The following SH3RF2 variants were observed in gnomAD, a reference collection of about 807,000 sequenced individuals.
The protein encoded by SH3RF2 is SH3 domain containing ring finger 2, also known as E3 ubiquitin-protein ligase SH3RF2.
A neutral mutation model predicts 59.0 loss-of-function variants in SH3RF2; 43 were observed. The ratio of observed to expected loss-of-function variants is 0.73; its 90% CI spans 0.57 to 0.94. The LOEUF is 0.94. Ranked by LOEUF, SH3RF2 falls within the 40% of genes least tolerant of loss-of-function variation. SH3RF2 has a pLI of 0.00. For missense variants in SH3RF2, 930 were observed against 940.1 expected, an observed-to-expected ratio of 0.99 and a Z score of 0.14; for synonymous variants, 391 against 391.5, an observed-to-expected ratio of 1.00 and a Z score of 0.01.
At chr5:146,058,741 A>G (rs1762771272) in intron 8 of SH3RF2, among the ~76,000 whole-genome samples, 1 of 151,998 alleles carries the variant, frequency 6.6e-6, no homozygotes. Context: ...CCACTTCCCC[A>G]CAGAATGCAA....
intron 5 of SH3RF2, among the ~76,000 whole-genome samples, chr5:146,038,120 T>G (rs1762006053): frequency 6.6e-6 from 1 of 152,186 alleles, no homozygotes; most frequent in Non-Finnish European, 1.5e-5. Context: ...TTGATAAAAT[T>G]TTATGTCCAT....
At chr5:145,938,829 C>T (rs994579409) in intron 2 of SH3RF2, among the ~76,000 whole-genome samples, 3 of 152,184 alleles carry the variant, frequency 2.0e-5, no homozygotes, top group Non-Finnish European at 2.9e-5. Context: ...AGATACTTGA[C>T]GCGGGAGATA....
chr5:146,073,691 A>G (rs1763282353), intron 9 of SH3RF2, among the ~76,000 whole-genome samples: 1 of 152,120 alleles, frequency 6.6e-6, no homozygotes, highest in Admixed American at 6.5e-5. Flanking sequence ...CTGAGCATCT[A>G]CTATGGGCTA....
intron 8 of SH3RF2, among the ~76,000 whole-genome samples, chr5:146,058,912 GA>G: frequency 6.6e-6 from 1 of 151,332 alleles, no homozygotes; most frequent in East Asian, 1.9e-4. Flanking sequence ...ATGAGCTCAG[GA>G]AGGGACAAAA....
At chr5:145,937,581 G>A (rs536530085) in intron 1 of SH3RF2, among the ~76,000 whole-genome samples, 84 of 152,248 alleles carry the variant, frequency 5.5e-4, no homozygotes, top group African/African-American at 2.0e-3. Context: ...TTATCTCCCT[G>A]CTTTCCTGTC....
intron 2 of SH3RF2, among the ~76,000 whole-genome samples, chr5:145,960,288 A>G (rs548406100): frequency 2.8e-4 from 42 of 152,314 alleles, no homozygotes; most frequent in African/African-American, 7.2e-4. Context: ...ATTCCCAAAC[A>G]TGGAAAAGGG....
chr5:145,996,681 A>G (rs2400205), intron 2 of SH3RF2, among the ~76,000 whole-genome samples: 1 of 152,220 alleles, frequency 6.6e-6, no homozygotes, highest in Non-Finnish European at 1.5e-5. Flanking sequence ...GCCAGAATTC[A>G]AAATCAGTAT....
chr5:146,014,776 G>A (rs1761041993), intron 5 of SH3RF2, among the ~76,000 whole-genome samples: 1 of 152,170 alleles, frequency 6.6e-6, no homozygotes, highest in Admixed American at 6.5e-5. Context: ...CATATACTAA[G>A]CATCCAATAA....
At chr5:146,008,388 A>T (rs60758869) in intron 4 of SH3RF2, among the ~76,000 whole-genome samples, 11,943 of 152,250 alleles carry the variant, frequency 0.078, 1,581 homozygotes, top group African/African-American at 0.27. Context: ...AGCAGAAAAA[A>T]TTAACTTATT....
intron 2 of SH3RF2, among the ~76,000 whole-genome samples, chr5:145,970,247 T>G (rs1759027415): frequency 6.6e-6 from 1 of 152,126 alleles, no homozygotes; most frequent in Non-Finnish European, 1.5e-5. Flanking sequence ...GTACCCAATT[T>G]GTAGTTTTTT....
intron 4 of SH3RF2, among the ~76,000 whole-genome samples, chr5:146,009,795 A>G (rs984497204): frequency 2.6e-5 from 4 of 152,186 alleles, no homozygotes; most frequent in Admixed American, 1.3e-4. Flanking sequence ...AGCAAGAACC[A>G]TATCTTCTTT....
chr5:146,038,320 G>A (rs1762012423), intron 5 of SH3RF2, among the ~76,000 whole-genome samples: 2 of 152,152 alleles, frequency 1.3e-5, no homozygotes, highest in South Asian at 4.1e-4. Flanking sequence ...GTCCCAGAGG[G>A]CCTGGCCAGC....
rs368721283 is a variant in SH3RF2, at chr5:146,012,975, C to CT, written c.745-762dup. ...GATCTGTTTTCTTTCTTTCTTGTTA[C>CT]TTTTTTTTTTGACAGCTGATTTACC... On this transcript the variant is annotated intron_variant, in intron 4 of 9. Coordinates refer to ENST00000359120, the MANE Select transcript of SH3RF2 (RefSeq NM_152550.4). Among the ~76,000 whole-genome samples, 543 of 148,970 alleles carry CT rather than the reference C, an allele frequency of 3.6e-3. 4 individuals are homozygous for CT. Among genetic ancestry groups the CT allele is most frequent in the African/African-American group, 0.012 (479 of 40,692 alleles).
intron 3 of SH3RF2, among the ~76,000 whole-genome samples, chr5:146,001,933 T>G (rs1335960533): frequency 6.6e-6 from 1 of 152,204 alleles, no homozygotes; most frequent in Non-Finnish European, 1.5e-5. Context: ...CTCAAGATCT[T>G]CCTTCCCAAA....
At chr5:145,987,288 C>G (rs942721048) in intron 2 of SH3RF2, among the ~76,000 whole-genome samples, 1 of 151,930 alleles carries the variant, frequency 6.6e-6, no homozygotes, top group African/African-American at 2.4e-5. Flanking sequence ...TTGGGTGCAC[C>G]CATCACCTGA....
intron 2 of SH3RF2, among the ~76,000 whole-genome samples, chr5:145,975,338 GCTGAA>G: frequency 6.6e-6 from 1 of 152,326 alleles, no homozygotes; most frequent in South Asian, 2.1e-4. Context: ...AAGAAGGCTG[GCTGAA>G]CATGGCACAT....
Position 146,000,175 on chromosome 5 carries a change from G to A in SH3RF2, c.496G>A (p.Glu166Lys), listed in dbSNP as rs757233835. The A allele has an allele frequency of 1.4e-5, 23 of 1,613,632 alleles. No individual in the cohort carries two copies. Among genetic ancestry groups the A allele is most frequent in the Non-Finnish European group, 1.9e-5 (23 of 1,179,872 alleles). ...RQLDENWYQG[E>K]INGISGNFPA... ...GCTTGATGAGAATTGGTACCAGGGG[G>A]AAATCAATGGCATCAGCGGGAACTT... The change falls in exon 3 of 10, where the codon GAA becomes AAA. Residue 166 changes from glutamate (E) to lysine (K), a missense_variant. Transcript: ENST00000359120.
chr5:146,064,703 AAAGAAAGAAAGAAAGAAAGAAAGAAAGG>A (rs1561773322), downstream of SH3RF2, among the ~76,000 whole-genome samples: 11 of 11,296 alleles, frequency 9.7e-4, no homozygotes, highest in Admixed American at 2.0e-3. Context: ...AGAAAGAAAG[AAAGAAAGAAAGAAAGAAAGAAAGAAAGG>A]AAGGAAGGAA....
intron 2 of SH3RF2, among the ~76,000 whole-genome samples, chr5:145,946,087 C>T (rs1757996375): frequency 6.6e-6 from 1 of 152,252 alleles, no homozygotes; most frequent in Non-Finnish European, 1.5e-5. Flanking sequence ...GAGCTGCTTC[C>T]TGCATCTGGG....
Sources: gnomAD v4.1 joint callset for allele counts (sites outside exome capture counted in the v4.1 genomes callset) on GRCh38, gnomAD v4.1.1 for gene constraint, MANE v1.5 for transcripts, NCBI Gene and HGNC (gene_info 2026-07-23, HGNC 2026-07-21) for gene names.